ZNF804B: variants seen among roughly 807,000 people sequenced by gnomAD.
The protein encoded by ZNF804B is zinc finger 804B.
ZNF804B carries 80 observed loss-of-function variants against 101.4 expected under a neutral mutation model. The ratio of observed to expected loss-of-function variants is 0.79; its 90% CI spans 0.66 to 0.95. The LOEUF (loss-of-function observed/expected upper bound fraction) is 0.95. Ranked by LOEUF, ZNF804B falls within the 40% of genes least tolerant of loss-of-function variation. The pLI is 0.00. For missense variants in ZNF804B, 1,673 were observed against 1,561.9 expected, an observed-to-expected ratio of 1.07 and a Z score of -1.20; for synonymous variants, 622 against 558.8, an observed-to-expected ratio of 1.11 and a Z score of -1.59.
At chr7:89,317,080 A>G (rs1278751439) in intron 2 of ZNF804B, among the ~76,000 whole-genome samples, 1 of 152,212 alleles carries the variant, frequency 6.6e-6, no homozygotes, top group Non-Finnish European at 1.5e-5. Context: ...GGGCATAGGT[A>G]TACAGAGACT....
chr7:88,991,446 T>C (rs1793845011), intron 1 of ZNF804B, among the ~76,000 whole-genome samples: 1 of 152,184 alleles, frequency 6.6e-6, no homozygotes, highest in African/African-American at 2.4e-5. Context: ...CCTGCTGGGC[T>C]TGACTCTGTG....
intron 1 of ZNF804B, among the ~76,000 whole-genome samples, chr7:88,837,579 C>A (rs189830784): frequency 6.6e-5 from 10 of 151,944 alleles, no homozygotes; most frequent in Admixed American, 5.3e-4. Flanking sequence ...TATAATGTAA[C>A]AGGGCATAAT....
intron 2 of ZNF804B, among the ~76,000 whole-genome samples, chr7:89,221,780 A>T (rs973524468): frequency 6.8e-6 from 1 of 146,890 alleles, no homozygotes; most frequent in South Asian, 2.1e-4. Flanking sequence ...TCTTTCATTT[A>T]TTTGCTTGTT....
intron 1 of ZNF804B, among the ~76,000 whole-genome samples, chr7:88,859,619 A>C (rs189485989): frequency 2.4e-4 from 37 of 152,148 alleles, no homozygotes; most frequent in Admixed American, 2.4e-3. Flanking sequence ...TGACAACTTA[A>C]ATCTAACAAT....
At chr7:89,309,119 T>A (rs1298135613) in intron 2 of ZNF804B, among the ~76,000 whole-genome samples, 2 of 152,190 alleles carry the variant, frequency 1.3e-5, no homozygotes, top group Non-Finnish European at 2.9e-5. Flanking sequence ...GATAGGTAGT[T>A]ATTTAACCCT....
chr7:89,002,525 T>C (rs1788305022), intron 1 of ZNF804B, among the ~76,000 whole-genome samples: 1 of 151,924 alleles, frequency 6.6e-6, no homozygotes, highest in Non-Finnish European at 1.5e-5. Context: ...ATAGCAATTT[T>C]CATGGAAATA....
intron 1 of ZNF804B, among the ~76,000 whole-genome samples, chr7:89,012,870 A>G (rs958814327): frequency 6.6e-6 from 1 of 152,194 alleles, no homozygotes; most frequent in Non-Finnish European, 1.5e-5. Flanking sequence ...ATGAATAAAT[A>G]CGCAAGACTG....
intron 1 of ZNF804B, among the ~76,000 whole-genome samples, chr7:89,165,722 T>C (rs1437667317): frequency 6.6e-6 from 1 of 152,122 alleles, no homozygotes; most frequent in Non-Finnish European, 1.5e-5. Context: ...TATGAAGTAC[T>C]GTATCTAGTT....
intron 2 of ZNF804B, among the ~76,000 whole-genome samples, chr7:89,290,644 G>A (rs538781889): frequency 2.6e-5 from 4 of 152,254 alleles, no homozygotes; most frequent in African/African-American, 9.6e-5. Context: ...TCCTTTGACT[G>A]TAGAAAGGAG....
At chr7:88,790,115 T>C (rs1038634015) in intron 1 of ZNF804B, among the ~76,000 whole-genome samples, 1 of 152,106 alleles carries the variant, frequency 6.6e-6, no homozygotes, top group Non-Finnish European at 1.5e-5. Flanking sequence ...ATCATTTGAA[T>C]GTTATGTGAT....
chr7:89,076,062 G>T (rs1789611910), intron 1 of ZNF804B, among the ~76,000 whole-genome samples: 1 of 152,198 alleles, frequency 6.6e-6, no homozygotes, highest in Non-Finnish European at 1.5e-5. Flanking sequence ...CAGGCTCCTA[G>T]GTGGAAGGGC....
chr7:89,207,433 T>C (rs1372709406), intron 1 of ZNF804B, among the ~76,000 whole-genome samples: 2 of 152,160 alleles, frequency 1.3e-5, no homozygotes, highest in African/African-American at 2.4e-5. Context: ...ATGAGACTTA[T>C]TCACTATCAT....
intron 1 of ZNF804B, among the ~76,000 whole-genome samples, chr7:89,090,076 T>G (rs1047641896): frequency 1.3e-5 from 2 of 152,110 alleles, no homozygotes; most frequent in African/African-American, 4.8e-5. Flanking sequence ...ACAAAGGATA[T>G]TCTTAGTTTC....
At chr7:89,263,458 C>A (rs1367586222) in intron 2 of ZNF804B, among the ~76,000 whole-genome samples, 1 of 151,912 alleles carries the variant, frequency 6.6e-6, no homozygotes, top group Non-Finnish European at 1.5e-5. Flanking sequence ...TTATATATGA[C>A]AAAATAATGT....
intron 1 of ZNF804B, among the ~76,000 whole-genome samples, chr7:88,942,236 C>T (rs1302731937): frequency 1.3e-5 from 2 of 151,894 alleles, no homozygotes; most frequent in African/African-American, 2.4e-5. Context: ...GTGCTTCTAC[C>T]TCCTCATTAG....
chr7:89,211,507 A>G (rs1414872155), intron 1 of ZNF804B, among the ~76,000 whole-genome samples: 1 of 152,102 alleles, frequency 6.6e-6, no homozygotes, highest in African/African-American at 2.4e-5. Flanking sequence ...GGTTTTATAT[A>G]TAAGTCCTTA....
intron 2 of ZNF804B, among the ~76,000 whole-genome samples, chr7:89,305,099 C>A (rs992919995): frequency 6.6e-6 from 1 of 151,908 alleles, no homozygotes; most frequent in Non-Finnish European, 1.5e-5. Flanking sequence ...ATTCTAACAG[C>A]ATTTATGTCA....
chr7:89,045,823 G>C (rs1349939710), intron 1 of ZNF804B, among the ~76,000 whole-genome samples: 1 of 152,084 alleles, frequency 6.6e-6, no homozygotes, highest in Admixed American at 6.5e-5. Context: ...TGAGACTTTG[G>C]ACTTGGACTT....
At chr7:88,765,562 A>AT (rs141467792) in intron 1 of ZNF804B, among the ~76,000 whole-genome samples, 14,812 of 152,098 alleles carry the variant, frequency 0.097, 1,163 homozygotes, top group East Asian at 0.28. Context: ...TGTGAAGTTG[A>AT]TTTTTTCAAG....
Sources: gnomAD v4.1 joint callset for allele counts (sites outside exome capture counted in the v4.1 genomes callset) on GRCh38, gnomAD v4.1.1 for gene constraint, MANE v1.5 for transcripts, NCBI Gene and HGNC (gene_info 2026-07-23, HGNC 2026-07-21) for gene names.